The following CCDC170 variants were observed in gnomAD, a reference collection of about 807,000 sequenced individuals.
The protein encoded by CCDC170 is coiled-coil domain-containing protein 170.
Under a neutral mutation model 72.6 loss-of-function variants are expected in CCDC170, and 69 were observed. That is an observed-to-expected ratio of 0.95 (90% CI 0.78 to 1.16). The LOEUF (loss-of-function observed/expected upper bound fraction) is 1.16. CCDC170 is among the 50% of genes most tolerant of loss of function. CCDC170 has a pLI of 0.00. For missense variants in CCDC170, 852 were observed against 832.5 expected (o/e 1.02, Z -0.29); for synonymous variants, 300 against 303.9 (o/e 0.99, Z 0.13).
rs189735950 is a variant in CCDC170 at position 151,615,503 on chromosome 6, G to T, written c.1771G>T (p.Glu591Ter). Reference sequence around the variant, plus strand: ...TCTAAACAAATCCAGAGACCAACTGGAGAAGATGAAGGAGAAAGCTGAGAA... The same window carrying T: ...TCTAAACAAATCCAGAGACCAACTGTAGAAGATGAAGGAGAAAGCTGAGAA... Reference protein sequence around the residue: ...EDLNKSRDQLEKMKEKAEKKL... With the variant: ...EDLNKSRDQL Residue 591 changes from glutamate to a stop codon, truncating the protein, a stop_gained, in exon 10 of 11, where the codon GAG (glutamate) becomes TAG (stop). Coordinates refer to ENST00000239374, the MANE Select transcript of CCDC170 (RefSeq NM_025059.4). LOFTEE classifies it high-confidence loss of function. 2.8e-5 allele frequency: 45 copies of T among 1,614,098 alleles called. No individual in the cohort carries two copies. The African/African-American group carries it at 5.1e-4, about 18-fold the overall frequency.
intron 1 of CCDC170, among the ~76,000 whole-genome samples, chr6:151,500,563 A>C (rs1197112586): frequency 1.3e-5 from 2 of 148,828 alleles, no homozygotes; most frequent in Non-Finnish European, 3.0e-5. Flanking sequence ...AGATATGGGA[A>C]GGTTGAAAGT....
chr6:151,610,456 A>G (rs1776852383), intron 9 of CCDC170, among the ~76,000 whole-genome samples: 1 of 152,174 alleles, frequency 6.6e-6, no homozygotes, highest in Admixed American at 6.5e-5. Context: ...TGATTACTAT[A>G]TTTTGCCTGG....
chr6:151,583,458 T>G (rs531050735), intron 6 of CCDC170, among the ~76,000 whole-genome samples: 7 of 152,154 alleles, frequency 4.6e-5, no homozygotes, highest in Middle Eastern at 3.4e-3. Flanking sequence ...AGTGCGACTC[T>G]TCGCTTTTTT....
chr6:151,509,334 G>T (rs1782114219), intron 1 of CCDC170, among the ~76,000 whole-genome samples: 1 of 151,896 alleles, frequency 6.6e-6, no homozygotes, highest in Non-Finnish European at 1.5e-5. Flanking sequence ...TCCTTTCTCA[G>T]TGGCTATTCC....
At chr6:151,579,982 G>A (rs1170230958) in intron 6 of CCDC170, among the ~76,000 whole-genome samples, 2 of 152,202 alleles carry the variant, frequency 1.3e-5, no homozygotes, top group Admixed American at 6.5e-5. Flanking sequence ...AGGGCTATCT[G>A]ACTCCAAAGC....
chr6:151,554,762 A>G (rs1267115443), intron 5 of CCDC170, among the ~76,000 whole-genome samples: 2 of 151,582 alleles, frequency 1.3e-5, no homozygotes, highest in African/African-American at 2.4e-5. Flanking sequence ...CACTGCGCAG[A>G]GCGGTTAAGA....
intron 1 of CCDC170, among the ~76,000 whole-genome samples, chr6:151,511,549 T>A (rs1049715060): frequency 6.6e-6 from 1 of 152,232 alleles, no homozygotes; most frequent in Non-Finnish European, 1.5e-5. Flanking sequence ...AGGATAAAAA[T>A]ATAATTGATT....
Position 151,548,442 on chromosome 6 carries a change from CAGAAA to C in CCDC170, c.729_733del (p.Lys244SerfsTer6). 1 of 1,608,790 alleles carries C rather than the reference CAGAAA, an allele frequency of 6.2e-7. No homozygotes were observed. On this transcript the variant is annotated frameshift_variant, in exon 5 of 11. Coordinates refer to ENST00000239374, the MANE Select transcript of CCDC170 (RefSeq NM_025059.4). LOFTEE classifies it high-confidence loss of function. ...GCTGGCTTCAGAAGTCAACAGAGAG[CAGAAA>C]AAAGCTGCCTCCTGTACTGAAGAGA...
chr6:151,553,616 A>G lies in CCDC170; in HGVS notation c.774+5127A>G, dbSNP rs1451265396. The stretch of plus-strand genomic sequence containing the variant: ...TGTAATAGCACATTCAAAAACCAGA[A>G]CTTATTCCTCTTCTTATATAAGTGT... On this transcript the variant is annotated intron_variant, in intron 5 of 10. Transcript: ENST00000239374. Among the ~76,000 whole-genome samples the G allele has an allele frequency of 2.0e-5, 3 of 152,214 alleles. No individual in the cohort carries two copies. The East Asian group carries it at 5.8e-4, about 29-fold the overall frequency.
intron 5 of CCDC170, among the ~76,000 whole-genome samples, chr6:151,551,339 C>T (rs1782875499): frequency 1.3e-5 from 2 of 152,134 alleles, no homozygotes; most frequent in Non-Finnish European, 2.9e-5. Flanking sequence ...AACCACAATA[C>T]CACTGCTGCA....
chr6:151,512,906 G>T (rs1310085300), intron 1 of CCDC170, among the ~76,000 whole-genome samples: 1 of 152,220 alleles, frequency 6.6e-6, no homozygotes. Flanking sequence ...AGAAGGAACT[G>T]ATTAAGCAGT....
intron 5 of CCDC170, among the ~76,000 whole-genome samples, chr6:151,561,227 T>G (rs9478219): frequency 0.51 from 77,517 of 151,848 alleles, 20,706 homozygotes; most frequent in Non-Finnish European, 0.6. Context: ...CCAATTATAC[T>G]CTTTTAGTTA....
chr6:151,562,795 C>T (rs9397431), intron 5 of CCDC170, among the ~76,000 whole-genome samples: 23,770 of 151,924 alleles, frequency 0.16, 2,271 homozygotes, highest in East Asian at 0.46. Flanking sequence ...AAAGCAGGTG[C>T]CTTGATGCGT....
intron 5 of CCDC170, among the ~76,000 whole-genome samples, chr6:151,559,876 G>A (rs1223527044): frequency 6.6e-6 from 1 of 151,718 alleles, no homozygotes; most frequent in Non-Finnish European, 1.5e-5. Context: ...TGTCAATTTG[G>A]TTTATCCTTT....
At chr6:151,556,127 A>C (rs570554863) in intron 5 of CCDC170, among the ~76,000 whole-genome samples, 4 of 152,186 alleles carry the variant, frequency 2.6e-5, no homozygotes, top group African/African-American at 9.7e-5. Context: ...AAAATGACTT[A>C]TTCTCTTTTT....
intron 5 of CCDC170, among the ~76,000 whole-genome samples, chr6:151,570,813 AG>A (rs1776208023): frequency 6.6e-6 from 1 of 152,250 alleles, no homozygotes; most frequent in Non-Finnish European, 1.5e-5. Flanking sequence ...TTTGTGATAA[AG>A]TGTCCTTGAC....
chr6:151,498,241 C>G (rs1001976161), intron 1 of CCDC170, among the ~76,000 whole-genome samples: 13 of 151,896 alleles, frequency 8.6e-5, no homozygotes, highest in African/African-American at 2.9e-4. Context: ...TAACTATCAA[C>G]AGAATTGTTA....
At chr6:151,541,176 T>G (rs1162467014) in intron 3 of CCDC170, among the ~76,000 whole-genome samples, 2 of 152,192 alleles carry the variant, frequency 1.3e-5, no homozygotes, top group Non-Finnish European at 2.9e-5. Flanking sequence ...TCCATTTCCT[T>G]TAAGTCTTCA....
In CCDC170 at chr6:151,574,397, G is replaced by A. The variant is rs539159998; in HGVS notation, c.1092+906G>A. Among the ~76,000 whole-genome samples, 12 of 152,198 alleles carry A rather than the reference G, an allele frequency of 7.9e-5. No homozygotes were observed. The East Asian group carries it at 2.3e-3, about 29-fold the overall frequency. The stretch of plus-strand genomic sequence containing the variant: ...GCTTGGGTAGGTTCTTGAGTTTACG[G>A]CCTCGGAGATTTTGTTTTCTTATCT... On this transcript the variant is annotated intron_variant, in intron 6 of 10. Transcript: ENST00000239374.
Sources: gnomAD v4.1 joint callset for allele counts (sites outside exome capture counted in the v4.1 genomes callset) on GRCh38, gnomAD v4.1.1 for gene constraint, MANE v1.5 for transcripts, NCBI Gene and HGNC (gene_info 2026-07-23, HGNC 2026-07-21) for gene names.